Variants in PRKCQ observed in about 807,000 individuals in gnomAD.
PRKCQ encodes protein kinase C theta type.
In PRKCQ, 41 loss-of-function variants were observed where a neutral mutation model predicts 91.2. The ratio of observed to expected loss-of-function variants is 0.45; its 90% CI spans 0.35 to 0.58. The LOEUF is 0.58. PRKCQ is among the 20% of genes least tolerant of loss of function. The pLI is 0.00. For synonymous variants in PRKCQ, 307 were observed against 316.9 expected (o/e 0.97, Z 0.33); for missense variants, 673 against 896.5 (o/e 0.75, Z 3.18).
chr10:6,477,364 T>C (rs1836324705), intron 12 of PRKCQ, among the ~76,000 whole-genome samples: 1 of 152,224 alleles, frequency 6.6e-6, no homozygotes, highest in Non-Finnish European at 1.5e-5. Flanking sequence ...CTGGCTTCTC[T>C]TTATCTTAGG....
At chr10:6,420,647 T>C in the PRKCQ span, among the ~76,000 whole-genome samples, 1 of 152,232 alleles carries the variant, frequency 6.6e-6, no homozygotes, top group Non-Finnish European at 1.5e-5. Context: ...ATTTGAATCA[T>C]AGATTGGCTA....
At chr10:6,448,501 C>T (rs992737835) in intron 15 of PRKCQ, among the ~76,000 whole-genome samples, 7 of 152,058 alleles carry the variant, frequency 4.6e-5, no homozygotes, top group African/African-American at 9.7e-5. Flanking sequence ...CTCCGCCTCC[C>T]GGGTTCAGGC....
intron 11 of PRKCQ, among the ~76,000 whole-genome samples, chr10:6,482,377 C>T (rs1211998375): frequency 6.6e-6 from 1 of 152,148 alleles, no homozygotes; most frequent in African/African-American, 2.4e-5. Context: ...AGGAGGATCA[C>T]TTGGGTTCGG....
At chr10:6,569,667 C>G (rs1338497809) in intron 1 of PRKCQ, among the ~76,000 whole-genome samples, 1 of 152,014 alleles carries the variant, frequency 6.6e-6, no homozygotes, top group African/African-American at 2.4e-5. Context: ...GGAGGGAACA[C>G]AGAGGAATTG....
chr10:6,454,285 A>G (rs1421589330), intron 15 of PRKCQ, among the ~76,000 whole-genome samples: 1 of 152,130 alleles, frequency 6.6e-6, no homozygotes, highest in Non-Finnish European at 1.5e-5. Flanking sequence ...CTGGTGATGG[A>G]TGATAAGGGA....
intron 4 of PRKCQ, among the ~76,000 whole-genome samples, chr10:6,502,970 G>A (rs1284064112): frequency 1.3e-5 from 2 of 152,202 alleles, no homozygotes; most frequent in African/African-American, 4.8e-5. Context: ...CATAGAGTCT[G>A]AACCATAGGA....
At chr10:6,470,187 T>C (rs1462193063) in intron 12 of PRKCQ, among the ~76,000 whole-genome samples, 2 of 152,220 alleles carry the variant, frequency 1.3e-5, no homozygotes, top group African/African-American at 4.8e-5. Flanking sequence ...ATTAAATATA[T>C]GATCCTTTCT....
intron 1 of PRKCQ, among the ~76,000 whole-genome samples, chr10:6,551,808 C>T (rs563561839): frequency 7.9e-5 from 12 of 152,194 alleles, no homozygotes; most frequent in East Asian, 1.9e-4. Context: ...TATGATAGAA[C>T]GATTTCTATT....
At chr10:6,577,941 C>G (rs1431937748) in intron 1 of PRKCQ, among the ~76,000 whole-genome samples, 1 of 152,138 alleles carries the variant, frequency 6.6e-6, no homozygotes, top group Non-Finnish European at 1.5e-5. Context: ...AATTCTGGAC[C>G]CAGTCCACAT....
Position 6,498,531 on chromosome 10 carries a change from G to A in PRKCQ, c.407C>T (p.Thr136Met), listed in dbSNP as rs374126448. Residue 136 changes from threonine (T) to methionine (M), a missense_variant, in exon 5 of 18, where the codon ACG becomes ATG. Thr to Met is a moderately conservative substitution (Grantham distance 81). Transcript: ENST00000263125. ...CTGATGCAAAGCAAAGAAGCCTTCC[G>A]TCTCAAATTCATTCATGTCCTTTGT... ...SDTKDMNEFE[T>M]EGFFALHQRR... The A allele has an allele frequency of 6.8e-5, 109 of 1,614,122 alleles. No individual in the cohort carries two copies. Among genetic ancestry groups the A allele is most frequent in the Middle Eastern group, 3.3e-4 (2 of 6,062 alleles).
intron 1 of PRKCQ, among the ~76,000 whole-genome samples, chr10:6,521,953 A>ATTTATTTATTTATTTT: frequency 6.6e-6 from 1 of 151,552 alleles, no homozygotes; most frequent in African/African-American, 2.4e-5. Context: ...TTATTTATTT[A>ATTTATTTATTTATTTT]TTTTTTTGAG....
chr10:6,471,524 C>T (rs1338089788), intron 12 of PRKCQ, among the ~76,000 whole-genome samples: 2 of 151,956 alleles, frequency 1.3e-5, no homozygotes, highest in African/African-American at 4.8e-5. Flanking sequence ...GGGTGGATCA[C>T]TTGAGGTCAG....
intron 15 of PRKCQ, among the ~76,000 whole-genome samples, chr10:6,446,021 A>T (rs1430939527): frequency 6.6e-6 from 1 of 152,200 alleles, no homozygotes; most frequent in Admixed American, 6.5e-5. Context: ...TTGGTAAAAA[A>T]TTTCAGTTTT....
chr10:6,541,433 C>A (rs1400854253), intron 1 of PRKCQ, among the ~76,000 whole-genome samples: 1 of 152,184 alleles, frequency 6.6e-6, no homozygotes, highest in Non-Finnish European at 1.5e-5. Flanking sequence ...AGGGCAGAAT[C>A]CAGTACCGAA....
At chr10:6,438,406 A>C (rs1363729606) in intron 16 of PRKCQ, among the ~76,000 whole-genome samples, 1 of 152,264 alleles carries the variant, frequency 6.6e-6, no homozygotes, top group Non-Finnish European at 1.5e-5. Context: ...TTTAGAACCC[A>C]TGGATAGCTT....
At chr10:6,534,772 A>ATCTCTC (rs200169532) in intron 1 of PRKCQ, among the ~76,000 whole-genome samples, 1 of 49,962 alleles carries the variant, frequency 2.0e-5, no homozygotes, top group African/African-American at 4.7e-5. Context: ...AGAAACATAT[A>ATCTCTC]TCTATATATA....
rs78736020 is a variant in PRKCQ, at chr10:6,557,071, C to T, written c.-10+23140G>A. 8.5e-3 allele frequency among the ~76,000 whole-genome samples: 1,299 copies of T among 152,284 alleles called. 14 individuals are homozygous for T. The highest frequency in any genetic ancestry group is 0.029 in the African/African-American group (1,220 of 41,550). On this transcript the variant is annotated intron_variant, in intron 1 of 17. Transcript: ENST00000263125. ...GTGATTTCTGCCTGTCTCCCACTCC[C>T]GCTTATAAACACCCTCCGGTTTTGC...
intron 16 of PRKCQ, among the ~76,000 whole-genome samples, chr10:6,440,602 A>G (rs950524516): frequency 6.6e-6 from 1 of 152,220 alleles, no homozygotes. Context: ...CAGCAAGAGC[A>G]TGACAACACT....
chr10:6,455,277 G>A (rs139860635), intron 15 of PRKCQ, among the ~76,000 whole-genome samples: 3 of 152,348 alleles, frequency 2.0e-5, no homozygotes, highest in African/African-American at 7.2e-5. Flanking sequence ...ATCAAAACCT[G>A]TATCTGTGCC....
Sources: allele counts gnomAD v4.1 joint callset (sites outside exome capture counted in the v4.1 genomes callset), GRCh38; gene constraint gnomAD v4.1.1; transcripts MANE v1.5; gene names NCBI Gene and HGNC (gene_info 2026-07-23, HGNC 2026-07-21).